CES2: variants seen among roughly 807,000 people sequenced by gnomAD.
The protein encoded by CES2 is carboxylesterase 2, also known as cocaine esterase.
Under a neutral mutation model 52.1 loss-of-function variants are expected in CES2, and 42 were observed. That is an observed-to-expected ratio of 0.81 (90% CI 0.63 to 1.04). CES2 has a LOEUF of 1.04. Among genes scored for constraint, CES2 ranks in the 50% least tolerant of loss-of-function variants. The pLI is 0.00. For missense variants in CES2, 656 were observed against 724.3 expected (o/e 0.91, Z 1.08); for synonymous variants, 277 against 289.6 (o/e 0.96, Z 0.44).
intron 3 of CES2, among the ~76,000 whole-genome samples, chr16:66,939,893 C>T (rs28382818): frequency 1.3e-5 from 2 of 152,150 alleles, no homozygotes; most frequent in African/African-American, 4.8e-5. Flanking sequence ...TCTGTTGAAA[C>T]GGGGTCTCAC....
At chr16:66,939,184 G>A (rs1963292460) in intron 2 of CES2, 33 bp from the exon 3 acceptor site, 1 of 1,609,912 alleles carries the variant, frequency 6.2e-7, no homozygotes, top group East Asian at 2.2e-5. Flanking sequence ...CCACAGCCTG[G>A]CCCCTGGACT....
At chr16:66,937,759 AC>A (rs1963248267) in intron 1 of CES2, among the ~76,000 whole-genome samples, 1 of 151,986 alleles carries the variant, frequency 6.6e-6, no homozygotes, top group African/African-American at 2.4e-5. Flanking sequence ...GTTGAAGGAC[AC>A]TCTAGTCCCA....
In CES2 at chr16:66,935,691, T is replaced by C. The variant is rs200867094; in HGVS notation, c.56T>C (p.Leu19Pro). The change falls in exon 1 of 12, where the codon CTG becomes CCG. Residue 19 changes from leucine (L) to proline (P), a missense_variant. Transcript: ENST00000317091. ...RLSAVACGLL[L>P]LLVRGQGQDS... is the part of the protein sequence containing the mutation. The stretch of plus-strand genomic sequence containing the variant: ...AGCGCGGTGGCCTGTGGGCTTCTGC[T>C]GCTTCTTGTCCGGGGCCAGGGTGAG... 18 of 1,601,144 alleles carry C rather than the reference T, an allele frequency of 1.1e-5. No individual in the cohort carries two copies. The Middle Eastern group carries it at 6.6e-4, about 59-fold the overall frequency.
At position 66,943,922 on chromosome 16, in the gene CES2, TG is replaced by T; in HGVS notation, c.1580del (p.Gly527AlafsTer4). The T allele has an allele frequency of 6.2e-7, 1 of 1,610,178 alleles. No individual in the cohort carries two copies. The highest frequency in any genetic ancestry group is 8.5e-7 in the Non-Finnish European group (1 of 1,177,366). ...CTGCAGCTGAACCTACAGCCTGCGG[TG>T]GGCCGGGCTCTGAAGGCCCACAGGC... ...QYLQLNLQPA[V>X]GRALKAHRLQ... On this transcript the variant is annotated frameshift_variant, in exon 12 of 12. Transcript: ENST00000317091. LOFTEE classifies it low-confidence loss of function (END_TRUNC). This position sits in a 1 kb window ranked among gnomAD's most constrained non-coding sequence, Gnocchi z 4.2.
At chr16:66,942,435 G>A (rs1217212928) in intron 9 of CES2, 186 bp downstream of exon 9, 12 of 818,760 alleles carry the variant, frequency 1.5e-5, no homozygotes, top group East Asian at 2.7e-5. Flanking sequence ...TTTCACAGAC[G>A]AGCAAATTGA....
rs1452503283 is a variant in CES2 at position 66,944,197 on chromosome 16, G to C, written c.*172G>C. On this transcript the variant is annotated 3_prime_UTR_variant, in exon 12 of 12. Coordinates refer to ENST00000317091, the MANE Select transcript of CES2 (RefSeq NM_001365405.1). ...ATTTATTAAGAATTTACTCAGGCATGATGGCCCATACTTGTAATCCCAGCT... is the reference window on the plus strand; with the variant it reads ...ATTTATTAAGAATTTACTCAGGCATCATGGCCCATACTTGTAATCCCAGCT... The C allele has an allele frequency of 8.8e-6, 4 of 453,168 alleles. No individual in the cohort carries two copies. Among genetic ancestry groups the C allele is most frequent in the Non-Finnish European group, 1.6e-5 (4 of 255,526 alleles). The allele number at this position is 453,168 out of a possible 1,614,324, so 28.1% of individuals were successfully genotyped here. A position where few individuals can be genotyped will look rare whatever the true frequency, so the allele number is the denominator to read the frequency against.
chr16:66,935,971 G>C, intron 1 of CES2: 1 of 1,401,276 alleles, frequency 7.1e-7, no homozygotes, highest in Non-Finnish European at 9.3e-7. Flanking sequence ...GGACATGCCA[G>C]GCCGGGTAGG....
At chr16:66,936,357 T>C (rs1169460159) in intron 1 of CES2, among the ~76,000 whole-genome samples, 1 of 152,080 alleles carries the variant, frequency 6.6e-6, no homozygotes, top group Non-Finnish European at 1.5e-5. Context: ...ACTCGGAGTG[T>C]ACAAAAAATT....
rs368901475 is a variant in CES2 at position 66,942,203 on chromosome 16, G to A, written c.1236G>A (p.Ala412=). The change falls in exon 9 of 12, where the codon GCG becomes GCA. Residue 412 remains alanine, a synonymous_variant. Transcript: ENST00000317091. The stretch of plus-strand genomic sequence containing the variant: ...AAGCGCAGTTCCAGGAGATGATGGC[G>A]GACTCCATGTTTGTGATCCCTGCAC... ...TLQAQFQEMM[A]DSMFVIPALQ... is the part of the protein sequence containing the mutation. 94 of 1,613,762 alleles carry A rather than the reference G, an allele frequency of 5.8e-5. No homozygotes were observed. The highest frequency in any genetic ancestry group is 6.7e-5 in the East Asian group (3 of 44,868).
At position 66,943,819 on chromosome 16, in the gene CES2, C is replaced by A; in HGVS notation, c.1494-20C>A. On this transcript the variant is annotated intron_variant, in intron 11 of 11. Coordinates refer to ENST00000317091, the MANE Select transcript of CES2 (RefSeq NM_001365405.1). The surrounding 1 kb of genome is among the most constrained non-coding windows in gnomAD (Gnocchi z 4.2). ...CCAGAGTGACCCTCATACTGCCCTGCTGGGATGGCATGTCTACAGGAACCC... is the reference window on the plus strand; with the variant it reads ...CCAGAGTGACCCTCATACTGCCCTGATGGGATGGCATGTCTACAGGAACCC... 1.3e-6 allele frequency: 2 copies of A among 1,572,610 alleles called. No individual in the cohort carries two copies. The highest frequency in any genetic ancestry group is 8.7e-7 in the Non-Finnish European group (1 of 1,152,044).
chr16:66,941,877 G>A, intron 8 of CES2, 29 bp downstream of exon 8: 4 of 1,613,800 alleles, frequency 2.5e-6, no homozygotes, highest in Middle Eastern at 1.7e-4. Flanking sequence ...CTCGCCAATG[G>A]AGACGGGCTC....
rs1204446651 is a variant in CES2 at position 66,942,743 on chromosome 16, G to A, written c.1378G>A (p.Glu460Lys). The change falls in exon 10 of 12, where the codon GAG becomes AAG. Residue 460 changes from glutamate to lysine, a missense_variant. Transcript: ENST00000317091. The stretch of plus-strand genomic sequence containing the variant: ...GCACATGAAGGCAGACCATGGTGAT[G>A]AGCTTCCTTTTGTTTTCAGAAGTTT... Reference protein sequence around the residue: ...PPHMKADHGDELPFVFRSFFG... With the variant: ...PPHMKADHGDKLPFVFRSFFG... 2 of 1,614,140 alleles carry A rather than the reference G, an allele frequency of 1.2e-6. No individual in the cohort carries two copies. The highest frequency in any genetic ancestry group is 1.7e-6 in the Non-Finnish European group (2 of 1,180,060).
rs1172969831 is a variant in CES2 at position 66,943,709 on chromosome 16, C to G, written c.1494-130C>G. 1 of 711,446 alleles carries G rather than the reference C, an allele frequency of 1.4e-6. No homozygotes were observed. Among genetic ancestry groups the G allele is most frequent in the African/African-American group, 1.8e-5 (1 of 56,102 alleles). 44.1% of individuals were successfully genotyped at this position (711,446 alleles called of 1,614,324 possible). On this transcript the variant is annotated intron_variant, in intron 11 of 11. Coordinates refer to ENST00000317091, the MANE Select transcript of CES2 (RefSeq NM_001365405.1). This position sits in a 1 kb window ranked among gnomAD's most constrained non-coding sequence, Gnocchi z 4.2. ...GCTTATTTCCTGTTTCTGGAAGCCT[C>G]CCCACTCATTCCCCAAGCCCACCTG... is the stretch of plus-strand genomic sequence containing the variant.
Position 66,944,222 on chromosome 16 carries a change from T to G in CES2, c.*197T>G. The G allele has an allele frequency of 2.5e-6, 1 of 394,698 alleles. No homozygotes were observed. 24.4% of individuals were successfully genotyped at this position (394,698 alleles called of 1,614,324 possible). A position where few individuals can be genotyped will look rare whatever the true frequency, so the allele number is the denominator to read the frequency against. The stretch of plus-strand genomic sequence containing the variant: ...GATGGCCCATACTTGTAATCCCAGC[T>G]ATTGGGAAGGATGAGATGGGAGGAT... On this transcript the variant is annotated 3_prime_UTR_variant, in exon 12 of 12. Transcript: ENST00000317091.
At chr16:66,937,806 G>C (rs959601742) in intron 1 of CES2, among the ~76,000 whole-genome samples, 1 of 152,192 alleles carries the variant, frequency 6.6e-6, no homozygotes, top group African/African-American at 2.4e-5. Flanking sequence ...AAGGTCCTAG[G>C]GCTGAATGAT....
rs1333868653 is a variant in CES2, at chr16:66,943,908, C to T, written c.1563C>T (p.Asn521=). ...FDQEEQYLQL[N]LQPAVGRALK... ...AGGAGGAGCAATACCTGCAGCTGAA[C>T]CTACAGCCTGCGGTGGGCCGGGCTC... The change falls in exon 12 of 12, where the codon AAC becomes AAT. Residue 521 remains asparagine (N), a synonymous_variant. Transcript: ENST00000317091. This position sits in a 1 kb window ranked among gnomAD's most constrained non-coding sequence, Gnocchi z 4.2. 1.4e-5 allele frequency: 22 copies of T among 1,610,446 alleles called. No individual in the cohort carries two copies. The highest frequency in any genetic ancestry group is 1.7e-5 in the Non-Finnish European group (20 of 1,177,482).
At chr16:66,936,112 A>G in intron 1 of CES2, 1 of 833,010 alleles carries the variant, frequency 1.2e-6, no homozygotes, top group Non-Finnish European at 1.6e-6. Flanking sequence ...TCTGGCTCTC[A>G]GTGTGTGGCG....
chr16:66,942,378 T>C (rs1963388834), intron 9 of CES2, 129 bp downstream of exon 9: 3 of 1,017,468 alleles, frequency 2.9e-6, no homozygotes, highest in Middle Eastern at 3.2e-4. Context: ...ACATCCATCA[T>C]TGCAGTAAAT....
intron 9 of CES2, 47 bp from the exon 10 acceptor site, chr16:66,942,601 G>A: frequency 1.2e-6 from 2 of 1,609,274 alleles, no homozygotes; most frequent in South Asian, 1.1e-5. Context: ...GAGGCAAGAA[G>A]TCTTCAGGGG....
Sources: allele counts gnomAD v4.1 joint callset (sites outside exome capture counted in the v4.1 genomes callset), GRCh38; gene constraint gnomAD v4.1.1; non-coding constraint Gnocchi (gnomAD v3.1); transcripts MANE v1.5; gene names NCBI Gene and HGNC (gene_info 2026-07-23, HGNC 2026-07-21).